The following VAPA variants were observed in gnomAD, a reference collection of about 807,000 sequenced individuals.
VAPA encodes the protein vesicle-associated membrane protein-associated protein A.
Under a neutral mutation model 25.6 loss-of-function variants are expected in VAPA, and 6 were observed. The ratio of observed to expected loss-of-function variants is 0.23; its 90% CI spans 0.13 to 0.46. The LOEUF is 0.46. VAPA is among the 20% of genes least tolerant of loss of function. The pLI is 0.99. For missense variants in VAPA, 244 were observed against 302.1 expected, an observed-to-expected ratio of 0.81 and a Z score of 1.43; for synonymous variants, 112 against 106.2, an observed-to-expected ratio of 1.05 and a Z score of -0.34.
At chr18:9,930,502 A>G (rs886628359) in intron 1 of VAPA, among the ~76,000 whole-genome samples, 5 of 152,116 alleles carry the variant, frequency 3.3e-5, no homozygotes, top group African/African-American at 1.2e-4. Flanking sequence ...AAATGGACAC[A>G]TTGGAGTTTT....
chr18:9,941,448 G>C (rs1245058602), intron 4 of VAPA, among the ~76,000 whole-genome samples: 1 of 151,988 alleles, frequency 6.6e-6, no homozygotes, highest in Non-Finnish European at 1.5e-5. Context: ...AGAAGTTTTT[G>C]TTTCTAACAA....
intron 1 of VAPA, among the ~76,000 whole-genome samples, chr18:9,921,612 A>G (rs918464951): frequency 1.3e-5 from 2 of 152,210 alleles, no homozygotes; most frequent in Non-Finnish European, 2.9e-5. Flanking sequence ...ATCTCAACAT[A>G]GTTTCTTTTT....
chr18:9,935,018 C>G (rs1028701037), intron 2 of VAPA, among the ~76,000 whole-genome samples: 9 of 149,238 alleles, frequency 6.0e-5, no homozygotes, highest in Non-Finnish European at 1.3e-4. Context: ...TGGCGTGAAC[C>G]TGGGAGGCAG....
intron 1 of VAPA, among the ~76,000 whole-genome samples, chr18:9,917,298 G>GT (rs1459042097): frequency 1.3e-5 from 2 of 152,002 alleles, no homozygotes; most frequent in African/African-American, 2.4e-5. Flanking sequence ...CCTATTAGCA[G>GT]TTTTTTTAAA....
intron 4 of VAPA, among the ~76,000 whole-genome samples, chr18:9,942,194 A>G (rs181829313): frequency 4.5e-4 from 69 of 152,324 alleles, no homozygotes; most frequent in African/African-American, 1.6e-3. Flanking sequence ...TTGTTTTAAT[A>G]TATGCATACA....
chr18:9,923,110 T>G (rs1420394280), intron 1 of VAPA, among the ~76,000 whole-genome samples: 2 of 152,230 alleles, frequency 1.3e-5, no homozygotes, highest in Admixed American at 6.5e-5. Context: ...TGCTGACTTA[T>G]GCATCATTAA....
rs944912961 is a variant in VAPA, at chr18:9,914,490, G to A, written c.79+155G>A. The stretch of plus-strand genomic sequence containing the variant: ...TCCCTTTCCCGGCTGCTTTCTTGCC[G>A]CCACCTCGGCCGGCCTGCCCCTTGC... On this transcript the variant is annotated intron_variant, in intron 1 of 5. Transcript: ENST00000400000. 3.3e-5 allele frequency: 18 copies of A among 544,026 alleles called. No individual in the cohort carries two copies. In the Admixed American group the frequency reaches 5.6e-4, roughly 17 times the overall value. The allele number at this position is 544,026 out of a possible 1,614,324, so 33.7% of individuals were successfully genotyped here.
At chr18:9,928,942 TAAG>T (rs944452888) in intron 1 of VAPA, among the ~76,000 whole-genome samples, 1 of 152,132 alleles carries the variant, frequency 6.6e-6, no homozygotes, top group Non-Finnish European at 1.5e-5. Flanking sequence ...AAGGGCAAAA[TAAG>T]AATATGCCGT....
At chr18:9,945,401 C>G (rs2069412804) in intron 4 of VAPA, among the ~76,000 whole-genome samples, 1 of 124,192 alleles carries the variant, frequency 8.1e-6, no homozygotes, top group Non-Finnish European at 1.6e-5. Flanking sequence ...CGCTCTGTCA[C>G]CCAGGCTGGA....
chr18:9,932,010 T>A, intron 2 of VAPA, 48 bp downstream of exon 2: 1 of 1,383,680 alleles, frequency 7.2e-7, no homozygotes, highest in East Asian at 2.4e-5. Context: ...TTTGACCTTT[T>A]ATGATTATGT....
chr18:9,915,650 G>A (rs1464460285), intron 1 of VAPA: 1 of 152,142 alleles, frequency 6.6e-6, no homozygotes, highest in Non-Finnish European at 1.5e-5. Flanking sequence ...GTTGTGTAAG[G>A]CTGAGTCCAA....
intron 1 of VAPA, among the ~76,000 whole-genome samples, chr18:9,920,242 T>G (rs2069145242): frequency 2.0e-5 from 3 of 152,212 alleles, no homozygotes; most frequent in Non-Finnish European, 1.5e-5. Context: ...TTGGATAATT[T>G]CCTTACTTCA....
At chr18:9,943,767 C>T (rs369602821) in intron 4 of VAPA, among the ~76,000 whole-genome samples, 2 of 145,142 alleles carry the variant, frequency 1.4e-5, no homozygotes, top group African/African-American at 5.0e-5. Flanking sequence ...TTAACTCTGA[C>T]ATTTTCTAAA....
chr18:9,939,040 A>G (rs914826886), intron 4 of VAPA, among the ~76,000 whole-genome samples: 3 of 152,232 alleles, frequency 2.0e-5, no homozygotes, highest in Non-Finnish European at 2.9e-5. Flanking sequence ...TACTGTTACT[A>G]TGCCTTTAAA....
rs761344662 is a variant in VAPA at position 9,955,156 on chromosome 18, A to G, written c.*945A>G. On this transcript the variant is annotated 3_prime_UTR_variant, in exon 6 of 6. Transcript: ENST00000400000. ...AAGTTCTGAGAGTATGTTCTCAAGG[A>G]AGATTTAACTCTCTTTGGTTTTAAA... 1 of 150,048 alleles carries G rather than the reference A, an allele frequency of 6.7e-6. No individual in the cohort carries two copies. Among genetic ancestry groups the G allele is most frequent in the Non-Finnish European group, 1.5e-5 (1 of 67,988 alleles). The allele number at this position is 150,048 out of a possible 1,614,324, so 9.3% of individuals were successfully genotyped here.
At chr18:9,944,943 A>G (rs1455941661) in intron 4 of VAPA, 13 of 1,614,180 alleles carry the variant, frequency 8.1e-6, no homozygotes, top group Non-Finnish European at 1.1e-5. Flanking sequence ...CCACCAGGGA[A>G]TGCTCCGACT....
chr18:9,928,717 A>T (rs1382412898), intron 1 of VAPA, among the ~76,000 whole-genome samples: 1 of 152,186 alleles, frequency 6.6e-6, no homozygotes, highest in African/African-American at 2.4e-5. Flanking sequence ...AGGGGAAAAA[A>T]AGGAAGTAAT....
chr18:9,953,797 T>G (rs138514941), intron 5 of VAPA, among the ~76,000 whole-genome samples: 72 of 152,370 alleles, frequency 4.7e-4, no homozygotes, highest in African/African-American at 1.7e-3. Context: ...AGGTATAATT[T>G]ATATCCCATG....
intron 4 of VAPA, among the ~76,000 whole-genome samples, chr18:9,941,433 A>G (rs1298926004): frequency 2.6e-5 from 4 of 152,212 alleles, no homozygotes; most frequent in Admixed American, 2.6e-4. Flanking sequence ...AGTACAAAAT[A>G]TATAAGAAGT....
Sources: allele counts gnomAD v4.1 joint callset (sites outside exome capture counted in the v4.1 genomes callset), GRCh38; gene constraint gnomAD v4.1.1; transcripts MANE v1.5; gene names NCBI Gene and HGNC (gene_info 2026-07-23, HGNC 2026-07-21).